Variants in SORBS2 observed in about 807,000 individuals in gnomAD.
SORBS2 encodes the protein sorbin and SH3 domain-containing protein 2.
Under a neutral mutation model 97.7 loss-of-function variants are expected in SORBS2, and 46 were observed. The observed-to-expected ratio is 0.47, with a 90% CI of 0.37 to 0.60. The LOEUF (loss-of-function observed/expected upper bound fraction) is 0.60. Among genes scored for constraint, SORBS2 ranks in the 20% least tolerant of loss-of-function variants. The pLI is 0.00. For synonymous variants in SORBS2, 476 were observed against 473.4 expected (o/e 1.01, Z -0.07); for missense variants, 1,316 against 1,282.3 (o/e 1.03, Z -0.40).
chr4:185,905,973 A>C (rs563361686), intron 1 of SORBS2, among the ~76,000 whole-genome samples: 1 of 152,318 alleles, frequency 6.6e-6, no homozygotes, highest in South Asian at 2.1e-4. Context: ...TGTGAGCACC[A>C]AGTGACCATC....
intron 2 of SORBS2, chr4:185,773,521 T>G (rs2098983640): frequency 6.6e-6 from 1 of 152,154 alleles, no homozygotes; most frequent in Admixed American, 6.5e-5. Context: ...CTCCGCCCCT[T>G]TGGAGATTTG....
chr4:185,600,474 G>A (rs1279056869), intron 12 of SORBS2, among the ~76,000 whole-genome samples: 3 of 152,138 alleles, frequency 2.0e-5, no homozygotes, highest in South Asian at 2.1e-4. Context: ...GAGTAGCTGG[G>A]ATCACAGGCA....
chr4:185,912,278 T>C (rs370162180), intron 1 of SORBS2, among the ~76,000 whole-genome samples: 10 of 152,084 alleles, frequency 6.6e-5, no homozygotes, highest in African/African-American at 2.2e-4. Flanking sequence ...TTTCAAATGT[T>C]TGCTATTAAA....
intron 4 of SORBS2, chr4:185,638,079 C>G: frequency 6.4e-7 from 1 of 1,566,488 alleles, no homozygotes; most frequent in Non-Finnish European, 8.8e-7. Context: ...CCTCACTTAC[C>G]GGGCGTCCAA....
intron 1 of SORBS2, among the ~76,000 whole-genome samples, chr4:185,797,986 T>C (rs1205504080): frequency 6.6e-6 from 1 of 152,174 alleles, no homozygotes; most frequent in Non-Finnish European, 1.5e-5. Context: ...GCTGCGGGAT[T>C]ATCAGTTTCC....
intron 2 of SORBS2, among the ~76,000 whole-genome samples, chr4:185,743,818 T>A (rs1313664693): frequency 6.6e-6 from 1 of 150,506 alleles, no homozygotes; most frequent in Non-Finnish European, 1.5e-5. Context: ...TCCTTCTTCC[T>A]CTTCTTCTAT....
chr4:185,650,798 G>A (rs1349763879), intron 2 of SORBS2, among the ~76,000 whole-genome samples: 1 of 152,140 alleles, frequency 6.6e-6, no homozygotes, highest in East Asian at 1.9e-4. Context: ...TGAAATTAAG[G>A]GAAACATCTT....
chr4:185,831,589 C>T lies in SORBS2; in HGVS notation c.-337-56223G>A, dbSNP rs950370277. On this transcript the variant is annotated intron_variant, in intron 1 of 20. Transcript: ENST00000284776. ...GCCAGATCACACATTGAGTAAGCAG[C>T]ACCTGCTCTCCTTCAGTGAGTCCGG... Among the ~76,000 whole-genome samples, 9 of 152,298 alleles carry T rather than the reference C, an allele frequency of 5.9e-5. No individual in the cohort carries two copies. The South Asian group carries it at 1.7e-3, about 28-fold the overall frequency.
chr4:185,848,618 CTTTTTTTTTTTTTTTTTTTTTTTTTT>C (rs537195530), intron 1 of SORBS2, among the ~76,000 whole-genome samples: 3 of 75,634 alleles, frequency 4.0e-5, no homozygotes, highest in Non-Finnish European at 7.0e-5. Flanking sequence ...AAGGATATCT[CTTTTTTTTTTTTTTTTTTTTTTTTTT>C]TTTTTTTTTT....
intron 1 of SORBS2, among the ~76,000 whole-genome samples, chr4:185,786,154 T>C (rs1196498272): frequency 1.3e-5 from 2 of 152,238 alleles, no homozygotes; most frequent in Admixed American, 1.3e-4. Context: ...TTTTGGGTTT[T>C]TTTTTCTATT....
At chr4:185,679,995 A>T (rs2097847697) in intron 2 of SORBS2, among the ~76,000 whole-genome samples, 1 of 152,234 alleles carries the variant, frequency 6.6e-6, no homozygotes, top group African/African-American at 2.4e-5. Flanking sequence ...AGCTCAGGTG[A>T]GCTAGAGAAG....
At chr4:185,745,140 A>G (rs751871607) in intron 2 of SORBS2, among the ~76,000 whole-genome samples, 7 of 152,084 alleles carry the variant, frequency 4.6e-5, no homozygotes, top group Non-Finnish European at 8.8e-5. Context: ...GTACATCTCC[A>G]TTGCAGCGGG....
chr4:185,920,960 G>A (rs2099260649), intron 1 of SORBS2, among the ~76,000 whole-genome samples: 1 of 152,188 alleles, frequency 6.6e-6, no homozygotes, highest in Non-Finnish European at 1.5e-5. Context: ...GAGGGTTTGA[G>A]TAGCGAATAG....
intron 14 of SORBS2, 85 bp downstream of exon 26, chr4:185,589,594 C>A: frequency 2.6e-6 from 2 of 777,052 alleles, no homozygotes; most frequent in Middle Eastern, 2.3e-4. Flanking sequence ...AAAGGAAGCT[C>A]GGCCATCACA....
intron 12 of SORBS2, among the ~76,000 whole-genome samples, chr4:185,596,831 C>T (rs2096111645): frequency 6.6e-6 from 1 of 151,954 alleles, no homozygotes; most frequent in Non-Finnish European, 1.5e-5. Context: ...CTGCGCCCGG[C>T]CCCCGTCCTT....
chr4:185,585,703 C>T (rs1234546473), exon 15 of SORBS2: 1 of 152,186 alleles, frequency 6.6e-6, no homozygotes, highest in Non-Finnish European at 1.5e-5. Context: ...ATATTGAAGT[C>T]TTTTCTCATA....
chr4:185,885,891 A>G (rs866253143), intron 1 of SORBS2, among the ~76,000 whole-genome samples: 1 of 152,254 alleles, frequency 6.6e-6, no homozygotes, highest in Non-Finnish European at 1.5e-5. Flanking sequence ...TAAGTAATGC[A>G]TGATTTTTAA....
intron 1 of SORBS2, among the ~76,000 whole-genome samples, chr4:185,786,272 G>A (rs981307069): frequency 8.5e-5 from 13 of 152,262 alleles, no homozygotes; most frequent in African/African-American, 3.1e-4. Context: ...TCTCCTTCGA[G>A]CAACAGCATT....
intron 7 of SORBS2, among the ~76,000 whole-genome samples, chr4:185,621,169 A>G (rs1040446582): frequency 1.3e-5 from 2 of 152,192 alleles, no homozygotes; most frequent in African/African-American, 2.4e-5. Context: ...TTATCCATCT[A>G]TGAAAGAATT....
Sources: gnomAD v4.1 joint callset for allele counts (sites outside exome capture counted in the v4.1 genomes callset) on GRCh38, gnomAD v4.1.1 for gene constraint, MANE v1.5 for transcripts, NCBI Gene and HGNC (gene_info 2026-07-23, HGNC 2026-07-21) for gene names.